GRIA1: variants seen among roughly 807,000 people sequenced by gnomAD.
GRIA1 encodes glutamate ionotropic receptor AMPA type subunit 1.
Under a neutral mutation model 99.2 loss-of-function variants are expected in GRIA1, and 31 were observed. That is an observed-to-expected ratio of 0.31 (90% CI 0.23 to 0.42). GRIA1 has a LOEUF of 0.42. Among genes scored for constraint, GRIA1 ranks in the 10% least tolerant of loss-of-function variants. GRIA1 has a pLI of 1.00. For missense variants in GRIA1, 782 were observed against 1,157.5 expected, an observed-to-expected ratio of 0.68 and a Z score of 4.71; for synonymous variants, 438 against 432.4, an observed-to-expected ratio of 1.01 and a Z score of -0.16.
At chr5:153,625,425 G>T (rs1458157311) in intron 2 of GRIA1, among the ~76,000 whole-genome samples, 2 of 152,196 alleles carry the variant, frequency 1.3e-5, no homozygotes, top group Non-Finnish European at 2.9e-5. Flanking sequence ...GGGTTCAGTT[G>T]AGTTCAGTGC....
intron 2 of GRIA1, among the ~76,000 whole-genome samples, chr5:153,537,104 A>T (rs1029255307): frequency 3.9e-5 from 6 of 152,186 alleles, no homozygotes; most frequent in Admixed American, 6.5e-5. Context: ...CATCTTGGGA[A>T]CCAGGTAATC....
At chr5:153,515,457 G>A (rs912668271) in intron 2 of GRIA1, among the ~76,000 whole-genome samples, 2 of 152,180 alleles carry the variant, frequency 1.3e-5, no homozygotes, top group Non-Finnish European at 2.9e-5. Context: ...GTAGAATGGT[G>A]GTTGCAGAGG....
intron 2 of GRIA1, among the ~76,000 whole-genome samples, chr5:153,494,889 A>T (rs1754263107): frequency 6.6e-6 from 1 of 152,342 alleles, no homozygotes; most frequent in East Asian, 1.9e-4. Context: ...TGTGAGCTGA[A>T]TTCACAAGAA....
intron 2 of GRIA1, among the ~76,000 whole-genome samples, chr5:153,571,263 AC>A (rs1219664805): frequency 1.3e-5 from 2 of 152,126 alleles, no homozygotes; most frequent in Admixed American, 6.5e-5. Flanking sequence ...CACTAATTAC[AC>A]AGTACATTTG....
At chr5:153,755,483 A>G (rs1230942922) in intron 11 of GRIA1, 1 of 152,170 alleles carries the variant, frequency 6.6e-6, no homozygotes, top group Non-Finnish European at 1.5e-5. Context: ...TGTTATGACA[A>G]TCAGGTGTCC....
At chr5:153,703,835 A>G (rs537298480) in intron 10 of GRIA1, among the ~76,000 whole-genome samples, 1 of 152,302 alleles carries the variant, frequency 6.6e-6, no homozygotes, top group East Asian at 1.9e-4. Flanking sequence ...AATATCATTT[A>G]CCCCTTTCAG....
chr5:153,530,723 C>T (rs193217752), intron 2 of GRIA1, among the ~76,000 whole-genome samples: 1 of 152,338 alleles, frequency 6.6e-6, no homozygotes, highest in South Asian at 2.1e-4. Context: ...GAGGGCTGCC[C>T]TCTCTGGTAA....
intron 2 of GRIA1, among the ~76,000 whole-genome samples, chr5:153,527,286 G>C (rs1490593788): frequency 6.6e-6 from 1 of 152,112 alleles, no homozygotes; most frequent in East Asian, 1.9e-4. Flanking sequence ...TCAAATCCTG[G>C]GGAAGGGATT....
At chr5:153,630,278 A>ATCATCATCG (rs1554105670) in intron 2 of GRIA1, among the ~76,000 whole-genome samples, 1 of 152,078 alleles carries the variant, frequency 6.6e-6, no homozygotes, top group Non-Finnish European at 1.5e-5. Flanking sequence ...CATCATCATC[A>ATCATCATCG]TCATTTGTTG....
intron 2 of GRIA1, among the ~76,000 whole-genome samples, chr5:153,494,684 T>C (rs1255001394): frequency 6.6e-6 from 1 of 152,180 alleles, no homozygotes; most frequent in Non-Finnish European, 1.5e-5. Flanking sequence ...TAGATAAATC[T>C]CTGACATCTG....
At chr5:153,526,454 T>C (rs1235211270) in intron 2 of GRIA1, among the ~76,000 whole-genome samples, 3 of 152,218 alleles carry the variant, frequency 2.0e-5, no homozygotes, top group African/African-American at 7.2e-5. Context: ...GGTGATAGAT[T>C]GCAGAATGTT....
intron 4 of GRIA1, among the ~76,000 whole-genome samples, chr5:153,655,536 C>T (rs1164385137): frequency 6.6e-6 from 1 of 152,170 alleles, no homozygotes; most frequent in Non-Finnish European, 1.5e-5. Context: ...CCACTCTACC[C>T]TTGGAATCAG....
At chr5:153,507,745 C>G (rs1315687649) in intron 2 of GRIA1, among the ~76,000 whole-genome samples, 1 of 152,136 alleles carries the variant, frequency 6.6e-6, no homozygotes, top group Non-Finnish European at 1.5e-5. Context: ...AGCTTCTTGT[C>G]TCAAAAAAAT....
chr5:153,598,523 A>C (rs929379139), intron 2 of GRIA1, among the ~76,000 whole-genome samples: 3 of 152,190 alleles, frequency 2.0e-5, no homozygotes, highest in Non-Finnish European at 4.4e-5. Flanking sequence ...GAATCTGGAA[A>C]GCCTTGAATG....
intron 2 of GRIA1, among the ~76,000 whole-genome samples, chr5:153,535,786 C>T (rs536516759): frequency 2.6e-5 from 4 of 152,222 alleles, no homozygotes; most frequent in African/African-American, 9.6e-5. Context: ...CACAATCCAC[C>T]TAATCACCCA....
chr5:153,581,617 G>A (rs72802636), intron 2 of GRIA1, among the ~76,000 whole-genome samples: 2 of 151,926 alleles, frequency 1.3e-5, no homozygotes, highest in African/African-American at 2.4e-5. Context: ...TCAGTACTTC[G>A]CTGACCTTCC....
chr5:153,657,782 T>G (rs1197519156), intron 5 of GRIA1, among the ~76,000 whole-genome samples: 1 of 152,192 alleles, frequency 6.6e-6, no homozygotes, highest in African/African-American at 2.4e-5. Context: ...AAGAAGGGCT[T>G]AGAGAAGTAG....
intron 2 of GRIA1, among the ~76,000 whole-genome samples, chr5:153,515,161 A>G (rs1015126010): frequency 6.6e-6 from 1 of 152,210 alleles, no homozygotes; most frequent in African/African-American, 2.4e-5. Flanking sequence ...TATGTCAAAG[A>G]AATATCTGCA....
chr5:153,569,104 A>G (rs1209288024), intron 2 of GRIA1, among the ~76,000 whole-genome samples: 1 of 152,204 alleles, frequency 6.6e-6, no homozygotes, highest in East Asian at 1.9e-4. Context: ...AGGCACAAGC[A>G]CAGGTCTTCA....
Sources: allele counts gnomAD v4.1 joint callset (sites outside exome capture counted in the v4.1 genomes callset), GRCh38; gene constraint gnomAD v4.1.1; transcripts MANE v1.5; gene names NCBI Gene and HGNC (gene_info 2026-07-23, HGNC 2026-07-21).